GRM4: variants seen among roughly 807,000 people sequenced by gnomAD.
GRM4 encodes the protein metabotropic glutamate receptor 4.
Under a neutral mutation model 81.7 loss-of-function variants are expected in GRM4, and 28 were observed. The ratio of observed to expected loss-of-function variants is 0.34; its 90% CI spans 0.25 to 0.47. The LOEUF is 0.47. Among genes scored for constraint, GRM4 ranks in the 20% least tolerant of loss-of-function variants. The pLI is 1.00. For missense variants in GRM4, 948 were observed against 1,290.0 expected (o/e 0.73, Z 4.06); for synonymous variants, 488 against 528.8 (o/e 0.92, Z 1.06).
At chr6:34,116,649 A>G (rs1299499277) in intron 2 of GRM4, among the ~76,000 whole-genome samples, 1 of 152,220 alleles carries the variant, frequency 6.6e-6, no homozygotes, top group Non-Finnish European at 1.5e-5. Flanking sequence ...ATGAGCCAAC[A>G]ATTCCACTTA....
chr6:34,123,434 G>C (rs1304651525), intron 2 of GRM4, among the ~76,000 whole-genome samples: 3 of 152,108 alleles, frequency 2.0e-5, no homozygotes, highest in Admixed American at 2.0e-4. Context: ...AAACATGACC[G>C]GGCCCTGTGT....
At chr6:34,146,112 C>T, upstream of GRM4, 1 of 985,478 alleles carries the variant, frequency 1.0e-6, no homozygotes, top group South Asian at 4.7e-5. Flanking sequence ...CAGAGGGGCG[C>T]GCTACTCCCA....
intron 3 of GRM4, chr6:34,063,399 G>A (rs115279721): frequency 0.021 from 3,233 of 152,618 alleles, 69 homozygotes; most frequent in African/African-American, 0.055. Context: ...AGTGACACTG[G>A]GCTGAGTCCT....
chr6:34,137,310 T>A (rs1770500505), intron 1 of GRM4, among the ~76,000 whole-genome samples: 1 of 152,174 alleles, frequency 6.6e-6, no homozygotes, highest in African/African-American at 2.4e-5. Flanking sequence ...CATGGAGGAA[T>A]GAGAGCCCTG....
intron 3 of GRM4, among the ~76,000 whole-genome samples, chr6:34,076,022 G>A (rs1023127240): frequency 2.6e-5 from 4 of 152,362 alleles, no homozygotes; most frequent in South Asian, 2.1e-4. Context: ...AGATGACCTC[G>A]TCAGCTCCAC....
chr6:34,116,027 T>G (rs2127501301), intron 2 of GRM4, among the ~76,000 whole-genome samples: 1 of 152,186 alleles, frequency 6.6e-6, no homozygotes, highest in African/African-American at 2.4e-5. Context: ...GGGCACAGAC[T>G]CAGAATGAAG....
chr6:34,109,657 T>C (rs914714432), intron 2 of GRM4, among the ~76,000 whole-genome samples: 2 of 152,076 alleles, frequency 1.3e-5, no homozygotes, highest in Admixed American at 6.5e-5. Context: ...CCTTTAACCA[T>C]AGACTCTTAG....
intron 6 of GRM4, among the ~76,000 whole-genome samples, chr6:34,046,298 A>G (rs980856523): frequency 6.6e-6 from 1 of 152,180 alleles, no homozygotes; most frequent in Non-Finnish European, 1.5e-5. Context: ...ATGCTCTAAC[A>G]CAGATGTACA....
At position 34,144,623 on chromosome 6, in the gene GRM4, G is replaced by A. The variant is rs1380532188; in HGVS notation, c.-364+1377C>T. Among the ~76,000 whole-genome samples, 4 of 152,174 alleles carry A rather than the reference G, an allele frequency of 2.6e-5. No individual in the cohort carries two copies. In the East Asian group the frequency reaches 7.7e-4, roughly 29 times the overall value. On this transcript the variant is annotated intron_variant, in intron 1 of 10. Transcript: ENST00000538487. ...GCACGGGAGCTGGACGCGGTGCCTG[G>A]GAAAGGAGCCGAGGCGCGCGAGGCT...
chr6:34,085,113 G>C (rs1210156962), intron 3 of GRM4, among the ~76,000 whole-genome samples: 1 of 152,170 alleles, frequency 6.6e-6, no homozygotes, highest in Non-Finnish European at 1.5e-5. Flanking sequence ...CTGGTCGTCT[G>C]TTCACTCACA....
chr6:34,155,126 C>A lies in GRM4; in HGVS notation c.265G>T (p.Glu89Ter). 2 of 1,533,726 alleles carry A rather than the reference C, an allele frequency of 1.3e-6. No individual in the cohort carries two copies. Among genetic ancestry groups the A allele is most frequent in the Non-Finnish European group, 1.7e-6 (2 of 1,145,244 alleles). Residue 89 changes from glutamate to a stop codon, truncating the protein, a stop_gained, in exon 1 of 9, where the codon GAA becomes TAA. Transcript: ENST00000374177. LOFTEE classifies it high-confidence loss of function. ...CAGCGGGGGCGGCGGGGGTCTATTTCAGGGCTGCTTCCCAGCTGGGCGGCC... is the reference window on the plus strand; with the variant it reads ...CAGCGGGGGCGGCGGGGGTCTATTTAAGGGCTGCTTCCCAGCTGGGCGGCC...
chr6:34,155,294 G>A, exon 1 of GRM4: 1 of 1,532,050 alleles, frequency 6.5e-7, no homozygotes, highest in Non-Finnish European at 8.7e-7. Context: ...GAGGAAGGTG[G>A]GGTACAGGGG....
At chr6:34,056,447 G>T in intron 6 of GRM4, 97 bp downstream of exon 6, 1 of 1,144,452 alleles carries the variant, frequency 8.7e-7, no homozygotes, top group South Asian at 1.5e-5. Context: ...GCCGGCCGAC[G>T]ACAGACAAAG....
At chr6:34,027,991 T>A in intron 10 of GRM4, 129 bp downstream of exon 10, 1 of 1,050,774 alleles carries the variant, frequency 9.5e-7, no homozygotes, top group Non-Finnish European at 1.3e-6. Flanking sequence ...TCCCCCAGTG[T>A]CCCCCGCCGC....
In GRM4 at chr6:34,092,544, T is replaced by A. The variant is rs1768291136; in HGVS notation, c.520-445A>T. On this transcript the variant is annotated intron_variant, in intron 2 of 10. Coordinates refer to ENST00000538487, the MANE Select transcript of GRM4 (RefSeq NM_000841.4). The surrounding 1 kb of genome is among the most constrained non-coding windows in gnomAD (Gnocchi z 6.8). ...TCTGGTCAGGACCCAGCAGACCCTG[T>A]CCCCACAGCTCTCTGCCAGCTCAGC... Among the ~76,000 whole-genome samples, 1 of 151,900 alleles carries A rather than the reference T, an allele frequency of 6.6e-6. No homozygotes were observed. Among genetic ancestry groups the A allele is most frequent in the Non-Finnish European group, 1.5e-5 (1 of 67,958 alleles).
intron 2 of GRM4, chr6:34,102,017 C>T (rs1414398160): frequency 1.3e-6 from 2 of 1,535,498 alleles, no homozygotes; most frequent in Admixed American, 3.9e-5. Flanking sequence ...CACCAGGATC[C>T]TTACCTGTCC....
At position 34,056,623 on chromosome 6, in the gene GRM4, G is replaced by T; in HGVS notation, c.1089C>A (p.Ala363=). The T allele has an allele frequency of 6.2e-7, 1 of 1,613,758 alleles. No individual in the cohort carries two copies. Among genetic ancestry groups the T allele is most frequent in the Non-Finnish European group, 8.5e-7 (1 of 1,179,974 alleles). The change falls in exon 6 of 11, where the codon GCC becomes GCA. Residue 363 remains alanine, a synonymous_variant. Transcript: ENST00000538487. ...AGTGGAAGTTGTCCTCCCAGAACTC[G>T]GCAAACCAGATGTTGCGCCGGTTGT... ...LDNNRRNIWF[A]EFWEDNFHCK...
In GRM4 at chr6:34,074,668, C is replaced by G. The variant is rs1767220551; in HGVS notation, c.737-12640G>C. Among the ~76,000 whole-genome samples, 1 of 152,220 alleles carries G rather than the reference C, an allele frequency of 6.6e-6. No individual in the cohort carries two copies. Among genetic ancestry groups the G allele is most frequent in the Non-Finnish European group, 1.5e-5 (1 of 68,050 alleles). On this transcript the variant is annotated intron_variant, in intron 3 of 10. Coordinates refer to ENST00000538487, the MANE Select transcript of GRM4 (RefSeq NM_000841.4). This position sits in a 1 kb window ranked among gnomAD's most constrained non-coding sequence, Gnocchi z 4.9. ...CAGCTGCATTATTCATGGCGCTAGG[C>G]TCTGAGCAGAGGGAAATTTGCTGAG...
At chr6:34,045,018 T>TAC (rs1283791511) in intron 6 of GRM4, among the ~76,000 whole-genome samples, 1 of 150,814 alleles carries the variant, frequency 6.6e-6, no homozygotes, top group Non-Finnish European at 1.5e-5. Context: ...ACCACACAGA[T>TAC]ACACACACAC....
Sources: allele counts gnomAD v4.1 joint callset (sites outside exome capture counted in the v4.1 genomes callset), GRCh38; gene constraint gnomAD v4.1.1; non-coding constraint Gnocchi (gnomAD v3.1); transcripts MANE v1.5; gene names NCBI Gene and HGNC (gene_info 2026-07-23, HGNC 2026-07-21).